Variants in PUM2 observed in about 807,000 individuals in gnomAD.
The protein encoded by PUM2 is pumilio RNA binding family member 2.
Under a neutral mutation model 124.5 loss-of-function variants are expected in PUM2, and 57 were observed. The observed-to-expected ratio is 0.46, with a 90% CI of 0.37 to 0.57. PUM2 has a LOEUF of 0.57. Among genes scored for constraint, PUM2 ranks in the 20% least tolerant of loss-of-function variants. The pLI, the probability that PUM2 is intolerant of heterozygous loss-of-function variation, is 0.00. For missense variants in PUM2, 1,065 were observed against 1,290.6 expected, an observed-to-expected ratio of 0.83 and a Z score of 2.68; for synonymous variants, 460 against 446.1, an observed-to-expected ratio of 1.03 and a Z score of -0.39.
intron 5 of PUM2, among the ~76,000 whole-genome samples, chr2:20,310,804 T>C (rs1224841692): frequency 6.6e-6 from 1 of 151,960 alleles, no homozygotes; most frequent in Non-Finnish European, 1.5e-5. Context: ...ATTGAAATAC[T>C]ACAGAAAATC....
intron 13 of PUM2, among the ~76,000 whole-genome samples, chr2:20,273,314 T>C (rs1421457243): frequency 1.3e-5 from 2 of 152,220 alleles, no homozygotes; most frequent in African/African-American, 4.8e-5. Flanking sequence ...ATTTGCAAAC[T>C]GTTCACATCC....
At chr2:20,301,770 G>C (rs1215268841) in intron 7 of PUM2, among the ~76,000 whole-genome samples, 2 of 152,006 alleles carry the variant, frequency 1.3e-5, no homozygotes, top group East Asian at 3.9e-4. Context: ...GTAGAGACAG[G>C]GTTTTGCCTA....
chr2:20,323,615 T>C (rs1030170827), intron 2 of PUM2, among the ~76,000 whole-genome samples: 1 of 152,118 alleles, frequency 6.6e-6, no homozygotes, highest in Non-Finnish European at 1.5e-5. Flanking sequence ...TTTAACGATT[T>C]TGTCCATAGC....
rs1662836341 is a variant in PUM2, at chr2:20,249,687, C to T, written c.*1898G>A. ...GCAGATCTCTAGTAAAAAAAGATCT[C>T]TTCCATATTCAGCTGACAGAATAGC... On this transcript the variant is annotated 3_prime_UTR_variant, in exon 21 of 21. Transcript: ENST00000361078. 6.6e-6 allele frequency: 1 copy of T among 152,618 alleles called. No homozygotes were observed. The highest frequency in any genetic ancestry group is 2.1e-4 in the South Asian group (1 of 4,834). The allele number at this position is 152,618 out of a possible 1,614,324, so 9.5% of individuals were successfully genotyped here. A position where few individuals can be genotyped will look rare whatever the true frequency, so the allele number is the denominator to read the frequency against.
intron 1 of PUM2, among the ~76,000 whole-genome samples, chr2:20,330,820 G>A (rs752061879): frequency 2.6e-5 from 4 of 152,216 alleles, no homozygotes; most frequent in African/African-American, 4.8e-5. Context: ...TCTGAAGTAG[G>A]GAGGAAGTCT....
Position 20,266,893 on chromosome 2 carries a change from G to A in PUM2, c.1958-3433C>T, listed in dbSNP as rs572104405. ...TGATAAGTAGCAAAGTTGGAATAAA[G>A]TTGGCTGCTTTGATTAGTGGTTTAT... On this transcript the variant is annotated intron_variant, in intron 13 of 20. Transcript: ENST00000361078. Among the ~76,000 whole-genome samples the A allele has an allele frequency of 3.3e-5, 5 of 152,250 alleles. No individual in the cohort carries two copies. In the South Asian group the frequency reaches 8.3e-4, roughly 25 times the overall value.
intron 9 of PUM2, among the ~76,000 whole-genome samples, chr2:20,292,096 G>GT (rs1295215608): frequency 6.7e-6 from 1 of 150,118 alleles, no homozygotes. Context: ...CCAGGAGGAG[G>GT]TTTTTTCATA....
intron 20 of PUM2, among the ~76,000 whole-genome samples, chr2:20,252,181 T>G (rs1454246128): frequency 6.6e-6 from 1 of 152,204 alleles, no homozygotes; most frequent in Non-Finnish European, 1.5e-5. Context: ...AAACACTCAA[T>G]TAAAAGATAG....
chr2:20,301,384 A>T (rs2148407079), intron 7 of PUM2, among the ~76,000 whole-genome samples: 1 of 152,370 alleles, frequency 6.6e-6, no homozygotes, highest in Admixed American at 6.5e-5. Context: ...TAGTTTTATG[A>T]TAAAAAGATT....
chr2:20,349,516 T>TTG (rs1040026165), intron 1 of PUM2, among the ~76,000 whole-genome samples: 9 of 150,932 alleles, frequency 6.0e-5, no homozygotes, highest in African/African-American at 2.2e-4. Flanking sequence ...ATACTCATTT[T>TTG]TGTTTTTTTT....
chr2:20,338,353 CA>C (rs1273168085), intron 1 of PUM2, among the ~76,000 whole-genome samples: 2 of 152,160 alleles, frequency 1.3e-5, no homozygotes. Flanking sequence ...GCCGAGACTG[CA>C]CCACTGCACT....
rs148695116 is a variant in PUM2, at chr2:20,263,666, T to A, written c.1958-206A>T. 3.3e-5 allele frequency among the ~76,000 whole-genome samples: 5 copies of A among 152,196 alleles called. No homozygotes were observed. The East Asian group carries it at 9.6e-4, about 29-fold the overall frequency. On this transcript the variant is annotated intron_variant, in intron 13 of 20. Coordinates refer to ENST00000361078, the MANE Select transcript of PUM2 (RefSeq NM_015317.5). ...TATATGATAAAGAGACTAGAAAACA[T>A]GAGAAAAATAAGTGTGTATTTATTC...
intron 2 of PUM2, among the ~76,000 whole-genome samples, chr2:20,319,611 C>G (rs73216297): frequency 0.028 from 4,196 of 152,230 alleles, 172 homozygotes; most frequent in African/African-American, 0.096. Flanking sequence ...TCAGTAATAC[C>G]TGAAATTGGT....
chr2:20,267,814 T>C (rs1231047650), intron 13 of PUM2, among the ~76,000 whole-genome samples: 1 of 152,212 alleles, frequency 6.6e-6, no homozygotes, highest in Non-Finnish European at 1.5e-5. Flanking sequence ...GCCAATCTTC[T>C]GTGCTATTTA....
chr2:20,315,051 A>AGT (rs1680548149), intron 3 of PUM2, among the ~76,000 whole-genome samples: 5 of 136,248 alleles, frequency 3.7e-5, no homozygotes, highest in Admixed American at 3.5e-4. Flanking sequence ...CACCAAAGGA[A>AGT]GTGTGCTTCT....
chr2:20,275,171 A>G lies in PUM2; in HGVS notation c.1957+3412T>C, dbSNP rs1047292268. On this transcript the variant is annotated intron_variant, in intron 13 of 20. Coordinates refer to ENST00000361078, the MANE Select transcript of PUM2 (RefSeq NM_015317.5). The stretch of plus-strand genomic sequence containing the variant: ...TCATTCTCTCTCCAAGTTGTTGTCA[A>G]CAGGAGAACCAATATAAAGGGGCTC... 2.6e-5 allele frequency among the ~76,000 whole-genome samples: 4 copies of G among 151,894 alleles called. No homozygotes were observed. The East Asian group carries it at 7.7e-4, about 29-fold the overall frequency.
rs147946098 is a variant in PUM2, at chr2:20,306,732, C to T, written c.883+1246G>A. Among the ~76,000 whole-genome samples the T allele has an allele frequency of 5.9e-3, 889 of 151,684 alleles. 8 individuals carry two copies. The highest frequency in any genetic ancestry group is 0.021 in the African/African-American group (862 of 41,394). On this transcript the variant is annotated intron_variant, in intron 7 of 20. Transcript: ENST00000361078. ...CAAGCGATTCTCTGCCTCAGACACC[C>T]AAGTAGACGGGATTACAGACCCCCA...
intron 20 of PUM2, among the ~76,000 whole-genome samples, chr2:20,252,763 C>T (rs778793421): frequency 6.6e-6 from 1 of 152,046 alleles, no homozygotes; most frequent in Non-Finnish European, 1.5e-5. Context: ...CAAAATTCTA[C>T]TTAGAAAAAT....
chr2:20,258,650 CTTTTTT>C (rs1057217780), intron 15 of PUM2, among the ~76,000 whole-genome samples: 8 of 93,842 alleles, frequency 8.5e-5, no homozygotes, highest in South Asian at 4.4e-4. Flanking sequence ...AACCCTTCAT[CTTTTTT>C]TTTTTTTTTT....
Sources: allele counts gnomAD v4.1 joint callset (sites outside exome capture counted in the v4.1 genomes callset), GRCh38; gene constraint gnomAD v4.1.1; transcripts MANE v1.5; gene names NCBI Gene and HGNC (gene_info 2026-07-23, HGNC 2026-07-21).